Variants in MACF1 observed in about 807,000 individuals in gnomAD.
MACF1 encodes the protein microtubule actin crosslinking factor 1.
A neutral mutation model predicts 854.8 loss-of-function variants in MACF1; 193 were observed. The observed-to-expected ratio is 0.23, with a 90% CI of 0.20 to 0.25. The LOEUF is 0.25. MACF1 is among the 10% of genes least tolerant of loss of function. The pLI, the probability that MACF1 is intolerant of heterozygous loss-of-function variation, is 1.00. For missense variants in MACF1, 7,722 were observed against 8,929.1 expected (o/e 0.86, Z 5.45); for synonymous variants, 3,185 against 3,226.7 (o/e 0.99, Z 0.44).
chr1:39,413,886 T>G, intron 58 of MACF1: 1 of 1,607,628 alleles, frequency 6.2e-7, no homozygotes, highest in Non-Finnish European at 8.5e-7. Flanking sequence ...CCCCTGCAGC[T>G]ATGGTGGCCA....
At chr1:39,347,919 T>C (rs1400231064) in intron 41 of MACF1, among the ~76,000 whole-genome samples, 1 of 151,820 alleles carries the variant, frequency 6.6e-6, no homozygotes, top group African/African-American at 2.4e-5. Flanking sequence ...AAAGCTCAAC[T>C]CAACATAATT....
intron 97 of MACF1, among the ~76,000 whole-genome samples, chr1:39,473,851 G>A (rs1644824493): frequency 6.6e-6 from 1 of 152,206 alleles, no homozygotes; most frequent in African/African-American, 2.4e-5. Flanking sequence ...GCCTAGTGCA[G>A]GGAACAAACA....
chr1:39,386,709 C>G (rs560533699), intron 57 of MACF1, among the ~76,000 whole-genome samples: 2 of 152,190 alleles, frequency 1.3e-5, no homozygotes, highest in Non-Finnish European at 2.9e-5. Context: ...GGATTACAGG[C>G]GTGAGCCACC....
At chr1:39,282,484 C>A in intron 7 of MACF1, 110 bp downstream of exon 7, 1 of 1,182,596 alleles carries the variant, frequency 8.5e-7, no homozygotes, top group Non-Finnish European at 1.2e-6. Context: ...AGCTTTGATT[C>A]ATTTGTTCAT....
chr1:39,111,904 C>G (rs768263898), intron 2 of MACF1, among the ~76,000 whole-genome samples: 2 of 152,022 alleles, frequency 1.3e-5, no homozygotes, highest in Admixed American at 1.3e-4. Flanking sequence ...TTGTCTCTTT[C>G]AGGGCTTTTC....
intron 40 of MACF1, among the ~76,000 whole-genome samples, chr1:39,341,953 A>AC (rs1646944445): frequency 6.6e-6 from 1 of 151,806 alleles, no homozygotes; most frequent in African/African-American, 2.4e-5. Context: ...TATATAGGTA[A>AC]ACTGCATGTC....
rs1370693751 is a variant in MACF1, at chr1:39,283,098, G to C, written c.696-91G>C. ...TCTCTAACTCACTTAGTGTTTTTCA[G>C]CTCTGGGAACTTTCAGGAGGTTTTC... On this transcript the variant is annotated intron_variant, in intron 7 of 100. Transcript: ENST00000564288. This position sits in a 1 kb window ranked among gnomAD's most constrained non-coding sequence, Gnocchi z 4.5. 2.6e-6 allele frequency: 2 copies of C among 773,510 alleles called. No individual in the cohort carries two copies. Among genetic ancestry groups the C allele is most frequent in the Non-Finnish European group, 4.4e-6 (2 of 456,956 alleles). 47.9% of individuals were successfully genotyped at this position (773,510 alleles called of 1,614,324 possible). A position where few individuals can be genotyped will look rare whatever the true frequency, so the allele number is the denominator to read the frequency against.
chr1:39,457,183 G>A (rs933419831), intron 89 of MACF1: 4 of 152,332 alleles, frequency 2.6e-5, no homozygotes, highest in Non-Finnish European at 5.9e-5. Context: ...ACTAGAAGCA[G>A]TTCTAAAATT....
At chr1:39,218,844 G>A (rs1194522317) in intron 1 of MACF1, among the ~76,000 whole-genome samples, 6 of 152,130 alleles carry the variant, frequency 3.9e-5, no homozygotes, top group African/African-American at 9.7e-5. Flanking sequence ...GCAATGGGGC[G>A]ATCTCGGCTC....
At chr1:39,298,328 T>C (rs1222629580) in intron 21 of MACF1, among the ~76,000 whole-genome samples, 1 of 152,212 alleles carries the variant, frequency 6.6e-6, no homozygotes, top group African/African-American at 2.4e-5. Context: ...ATTTAGTATT[T>C]AGTTCAAATC....
intron 57 of MACF1, among the ~76,000 whole-genome samples, chr1:39,386,293 C>T (rs1328116435): frequency 3.3e-5 from 5 of 151,176 alleles, no homozygotes; most frequent in Non-Finnish European, 7.4e-5. Flanking sequence ...CACGGTCTCG[C>T]TCTGTCACCC....
intron 6 of MACF1, chr1:39,268,942 A>G: frequency 7.8e-7 from 1 of 1,287,382 alleles, no homozygotes; most frequent in Non-Finnish European, 1.0e-6. Context: ...GGGGTAGAGC[A>G]TACCCCCCCA....
intron 2 of MACF1, among the ~76,000 whole-genome samples, chr1:39,142,950 A>G: frequency 6.6e-6 from 1 of 152,182 alleles, no homozygotes; most frequent in East Asian, 1.9e-4. Flanking sequence ...CTTGTTCCAC[A>G]AGGCGCTGAC....
intron 14 of MACF1, among the ~76,000 whole-genome samples, chr1:39,286,474 C>G (rs377498593): frequency 6.8e-6 from 1 of 146,554 alleles, no homozygotes; most frequent in Non-Finnish European, 1.5e-5. Context: ...TTTTTTTCCC[C>G]TTTTTTTTTT....
At chr1:39,470,477 C>T (rs569982307) in intron 97 of MACF1, among the ~76,000 whole-genome samples, 75 of 151,368 alleles carry the variant, frequency 5.0e-4, no homozygotes, top group Admixed American at 2.6e-3. Context: ...CCCATCTCCA[C>T]AAAAAAAAAT....
chr1:39,305,150 A>G (rs1278179773), intron 23 of MACF1, among the ~76,000 whole-genome samples: 1 of 151,182 alleles, frequency 6.6e-6, no homozygotes, highest in Non-Finnish European at 1.5e-5. Flanking sequence ...GGTCCCAGCT[A>G]CTTAGGAGGC....
intron 2 of MACF1, among the ~76,000 whole-genome samples, chr1:39,160,198 C>T (rs906790529): frequency 3.3e-5 from 5 of 151,994 alleles, no homozygotes; most frequent in Non-Finnish European, 5.9e-5. Flanking sequence ...GCACCTGTAC[C>T]CTTAACTACT....
chr1:39,190,317 C>T (rs1199072272), intron 2 of MACF1, among the ~76,000 whole-genome samples: 2 of 150,352 alleles, frequency 1.3e-5, no homozygotes, highest in East Asian at 3.9e-4. Flanking sequence ...CCGCCCCTCT[C>T]CTCTCTCTTC....
At chr1:39,101,898 T>A (rs1287610904) in intron 2 of MACF1, among the ~76,000 whole-genome samples, 1 of 150,212 alleles carries the variant, frequency 6.7e-6, no homozygotes, top group South Asian at 2.1e-4. Flanking sequence ...AGAAAGAGGC[T>A]GGGCGCGGTG....
Sources: gnomAD v4.1 joint callset for allele counts (sites outside exome capture counted in the v4.1 genomes callset) on GRCh38, gnomAD v4.1.1 for gene constraint, Gnocchi (gnomAD v3.1) non-coding constraint, MANE v1.5 for transcripts, NCBI Gene and HGNC (gene_info 2026-07-23, HGNC 2026-07-21) for gene names.